Variants in DNER observed in about 807,000 individuals in gnomAD.
DNER encodes the protein delta and Notch-like epidermal growth factor-related receptor.
DNER carries 33 observed loss-of-function variants against 78.2 expected under a neutral mutation model. The observed-to-expected ratio is 0.42, with a 90% confidence interval of 0.32 to 0.56. DNER has a LOEUF of 0.56. DNER is among the 20% of genes least tolerant of loss of function. The pLI is 0.11. For synonymous variants in DNER, 417 were observed against 384.8 expected (o/e 1.08, Z -0.98); for missense variants, 918 against 975.3 (o/e 0.94, Z 0.78).
In DNER at chr2:229,366,897, G is replaced by T. The variant is rs761443379; in HGVS notation, c.2078C>A (p.Ala693Asp). 2 of 1,614,176 alleles carry T rather than the reference G, an allele frequency of 1.2e-6. No homozygotes were observed. Among genetic ancestry groups the T allele is most frequent in the Non-Finnish European group, 1.7e-6 (2 of 1,180,038 alleles). ...CCTGGCATGCCGGATGGATGCAATG[G>T]CATTGCTGAACTCGCTGTCGATGCT... is the stretch of plus-strand genomic sequence containing the variant. The part of the protein sequence containing the change: ...CRSIDSEFSN[A>D]IASIRHARFG... The change falls in exon 12 of 13, where the codon GCC (alanine) becomes GAC (aspartate). Residue 693 changes from alanine to aspartate, a missense_variant. Coordinates refer to ENST00000341772, the MANE Select transcript of DNER (RefSeq NM_139072.4).
At chr2:229,393,315 C>T (rs557427852) in intron 10 of DNER, among the ~76,000 whole-genome samples, 1 of 152,102 alleles carries the variant, frequency 6.6e-6, no homozygotes, top group African/African-American at 2.4e-5. Flanking sequence ...ATAATCCCAA[C>T]TACTCAGGAG....
At chr2:229,373,015 G>A (rs1692521400) in intron 11 of DNER, among the ~76,000 whole-genome samples, 1 of 152,042 alleles carries the variant, frequency 6.6e-6, no homozygotes, top group African/African-American at 2.4e-5. Flanking sequence ...TTAAATTGGA[G>A]GTACCAATTC....
intron 10 of DNER, among the ~76,000 whole-genome samples, chr2:229,397,311 G>A (rs2106339962): frequency 6.6e-6 from 1 of 152,036 alleles, no homozygotes; most frequent in South Asian, 2.1e-4. Context: ...CAGATTAGGT[G>A]CTGGAGAAGG....
At chr2:229,495,930 G>A (rs574720022) in intron 6 of DNER, among the ~76,000 whole-genome samples, 1 of 152,164 alleles carries the variant, frequency 6.6e-6, no homozygotes, top group African/African-American at 2.4e-5. Context: ...GGAGGTTGAG[G>A]TGGGTGGTCA....
rs557932155 is a variant in DNER, at chr2:229,531,110, C to A, written c.993+15837G>T. On this transcript the variant is annotated intron_variant, in intron 5 of 12. Transcript: ENST00000341772. Reference sequence around the variant, plus strand: ...AAACAATCCAAACTTCTAAAAGACTCTCAGACAAAGCATAACCTGAGAATG... The same window carrying A: ...AAACAATCCAAACTTCTAAAAGACTATCAGACAAAGCATAACCTGAGAATG... Among the ~76,000 whole-genome samples, 11 of 152,276 alleles carry A rather than the reference C, an allele frequency of 7.2e-5. No homozygotes were observed. In the East Asian group the frequency reaches 1.9e-3, roughly 27 times the overall value.
At chr2:229,396,578 G>A (rs1693149432) in intron 10 of DNER, among the ~76,000 whole-genome samples, 1 of 152,216 alleles carries the variant, frequency 6.6e-6, no homozygotes, top group African/African-American at 2.4e-5. Context: ...GCTGTACTCA[G>A]TTGCTAAAGG....
intron 4 of DNER, among the ~76,000 whole-genome samples, chr2:229,552,656 T>C (rs1248315072): frequency 6.6e-6 from 1 of 152,196 alleles, no homozygotes; most frequent in African/African-American, 2.4e-5. Context: ...TGTTTGTAAG[T>C]TTCCTGAGGG....
At chr2:229,499,786 T>G (rs4449119) in intron 6 of DNER, among the ~76,000 whole-genome samples, 1 of 151,928 alleles carries the variant, frequency 6.6e-6, no homozygotes, top group Non-Finnish European at 1.5e-5. Flanking sequence ...AAATACAACC[T>G]GCAGAATAAG....
At chr2:229,707,829 C>T (rs1173967438) in intron 1 of DNER, among the ~76,000 whole-genome samples, 2 of 152,222 alleles carry the variant, frequency 1.3e-5, no homozygotes, top group South Asian at 4.1e-4. Flanking sequence ...GTTCTTTGCA[C>T]TCACTGGGTG....
In DNER at chr2:229,714,513, G is replaced by A; in HGVS notation, c.-90C>T. On this transcript the variant is annotated 5_prime_UTR_variant, in exon 1 of 13. Transcript: ENST00000341772. ...CGACGAGAGCTGCGAGAGCGACGGT[G>A]GCGGCTAGGGCTGCTCCGCCGGGCC... 1 of 1,061,224 alleles carries A rather than the reference G, an allele frequency of 9.4e-7. No individual in the cohort carries two copies. The highest frequency in any genetic ancestry group is 1.1e-6 in the Non-Finnish European group (1 of 880,444). The allele number at this position is 1,061,224 out of a possible 1,614,324, so 65.7% of individuals were successfully genotyped here.
At chr2:229,502,596 C>A (rs1695644873) in intron 6 of DNER, among the ~76,000 whole-genome samples, 1 of 152,004 alleles carries the variant, frequency 6.6e-6, no homozygotes, top group African/African-American at 2.4e-5. Context: ...GCTTTGTTTA[C>A]CCTGCGGAAG....
chr2:229,535,337 C>T (rs564435467), intron 5 of DNER, among the ~76,000 whole-genome samples: 38 of 152,048 alleles, frequency 2.5e-4, no homozygotes, highest in Admixed American at 2.0e-4. Context: ...GACAAATCTT[C>T]GAGTCTATAA....
At chr2:229,566,595 G>A (rs1180124806) in intron 4 of DNER, among the ~76,000 whole-genome samples, 1 of 152,050 alleles carries the variant, frequency 6.6e-6, no homozygotes, top group Non-Finnish European at 1.5e-5. Context: ...CTCAGCCTCA[G>A]GCCTCAAGAA....
chr2:229,497,375 T>A (rs2154211853), intron 6 of DNER, among the ~76,000 whole-genome samples: 1 of 152,006 alleles, frequency 6.6e-6, no homozygotes, highest in South Asian at 2.1e-4. Flanking sequence ...CAACCCAATG[T>A]TACATCTAAA....
chr2:229,402,074 C>T (rs1428632467), intron 10 of DNER, among the ~76,000 whole-genome samples: 6 of 151,982 alleles, frequency 3.9e-5, no homozygotes, highest in East Asian at 1.9e-4. Context: ...AAGAAAACAT[C>T]GGATAAAATT....
At chr2:229,559,723 T>C (rs1044400177) in intron 4 of DNER, among the ~76,000 whole-genome samples, 3 of 152,214 alleles carry the variant, frequency 2.0e-5, no homozygotes, top group Non-Finnish European at 4.4e-5. Flanking sequence ...ATTTCCCTAA[T>C]GAGTTTAAAA....
chr2:229,582,406 G>A (rs895001221), intron 4 of DNER, among the ~76,000 whole-genome samples: 10 of 151,982 alleles, frequency 6.6e-5, no homozygotes, highest in African/African-American at 2.2e-4. Flanking sequence ...GAAGAGCTCG[G>A]GACAGGACTG....
rs1015166785 is a variant in DNER at position 229,600,390 on chromosome 2, C to A, written c.277-8502G>T. Among the ~76,000 whole-genome samples the A allele has an allele frequency of 1.3e-5, 2 of 152,026 alleles. 1 individual carries two copies. Among genetic ancestry groups the A allele is most frequent in the East Asian group, 3.8e-4 (2 of 5,198 alleles). Reference sequence around the variant, plus strand: ...TAGACAGTACAGACTTTGGGGTTCACAAAAGAGGGAAAACAGGTAGGTGGG... The same window carrying A: ...TAGACAGTACAGACTTTGGGGTTCAAAAAAGAGGGAAAACAGGTAGGTGGG... On this transcript the variant is annotated intron_variant, in intron 1 of 12. Transcript: ENST00000341772.
chr2:229,519,692 G>C (rs189591507), intron 5 of DNER, among the ~76,000 whole-genome samples: 6 of 152,098 alleles, frequency 3.9e-5, no homozygotes, highest in African/African-American at 1.4e-4. Flanking sequence ...TGATGGCCTC[G>C]GGTTCAGAAG....
Sources: allele counts gnomAD v4.1 joint callset (sites outside exome capture counted in the v4.1 genomes callset), GRCh38; gene constraint gnomAD v4.1.1; transcripts MANE v1.5; gene names NCBI Gene and HGNC (gene_info 2026-07-23, HGNC 2026-07-21).